STAB1: variants seen among roughly 807,000 people sequenced by gnomAD.
The protein encoded by STAB1 is stabilin-1.
A neutral mutation model predicts 332.4 loss-of-function variants in STAB1; 250 were observed. The observed-to-expected ratio is 0.75, with a 90% CI of 0.68 to 0.84. The LOEUF (loss-of-function observed/expected upper bound fraction) is 0.84. Ranked by LOEUF, STAB1 falls within the 40% of genes least tolerant of loss-of-function variation. The probability of loss-of-function intolerance (pLI) is 0.00; values close to 1 mark genes in which losing one functional copy is unlikely to be tolerated. For missense variants in STAB1, 3,249 were observed against 3,489.7 expected (o/e 0.93, Z 1.74); for synonymous variants, 1,475 against 1,390.4 (o/e 1.06, Z -1.35).
At chr3:52,502,868 C>T in intron 6 of STAB1, 131 bp from the exon 7 acceptor site, 1 of 1,213,870 alleles carries the variant, frequency 8.2e-7, no homozygotes, top group Non-Finnish European at 1.1e-6. Flanking sequence ...CATCTGAGAC[C>T]TCCACTGTCC....
Position 52,505,681 on chromosome 3 carries a change from C to A in STAB1, c.1595C>A (p.Pro532His). The A allele has an allele frequency of 6.2e-7, 1 of 1,613,606 alleles. No homozygotes were observed. The highest frequency in any genetic ancestry group is 8.5e-7 in the Non-Finnish European group (1 of 1,180,034). ...GCACCACCACAGAACTGTGGGCTGC[C>A]CTCCATCCTGGACGGACCTGGGCCC... is the stretch of plus-strand genomic sequence containing the variant. ...FETILENCGLPSILDGPGPFT... is the reference protein window; with the variant it reads ...FETILENCGLHSILDGPGPFT... Residue 532 changes from proline to histidine, a missense_variant, in exon 15 of 69, where the codon CCC becomes CAC. Transcript: ENST00000321725.
intron 28 of STAB1, 72 bp downstream of exon 28, chr3:52,512,715 T>A: frequency 6.2e-7 from 1 of 1,611,826 alleles, no homozygotes; most frequent in East Asian, 2.2e-5. Flanking sequence ...GGGTGCCATA[T>A]AACATCTCCA....
chr3:52,508,893 G>C (rs1709085930), intron 21 of STAB1, among the ~76,000 whole-genome samples: 1 of 152,048 alleles, frequency 6.6e-6, no homozygotes. Flanking sequence ...TTTCCAAAAA[G>C]GCTACTTGGT....
chr3:52,506,643 G>A (rs1223358068), intron 17 of STAB1, 49 bp from the exon 18 acceptor site: 1 of 1,556,478 alleles, frequency 6.4e-7, no homozygotes, highest in Non-Finnish European at 8.7e-7. Context: ...AGCCCCACCG[G>A]GCCAAGGCCA....
rs1160932485 is a variant in STAB1 at position 52,515,442 on chromosome 3, G to A, written c.3884G>A (p.Cys1295Tyr). 1.2e-6 allele frequency: 2 copies of A among 1,613,358 alleles called. No individual in the cohort carries two copies. The highest frequency in any genetic ancestry group is 1.7e-6 in the Non-Finnish European group (2 of 1,180,022). The change falls in exon 37 of 69, where the codon TGT becomes TAT. Residue 1295 changes from cysteine to tyrosine, a missense_variant. Physicochemically the swap from Cys to Tyr is radical, Grantham distance 194 (BLOSUM62 -2). Transcript: ENST00000321725. ...FQLQDTPRKS[C>Y]VYRSGFSFSR... ...TTCCAGGACACACCCAGGAAGAGCT[G>A]TGTCTACCGATCTGGCTTCTCCTTC...
chr3:52,502,077 A>T lies in STAB1; in HGVS notation c.403A>T (p.Thr135Ser). The stretch of plus-strand genomic sequence containing the variant: ...CTTGGATGGCATGGACAGGAATGGG[A>T]CCTGTGTGTGCCAGGTAAGGGCTGG... Reference protein sequence around the residue: ...TCLDGMDRNGTCVCQENFRGS... With the variant: ...TCLDGMDRNGSCVCQENFRGS... The change falls in exon 4 of 69, where the codon ACC becomes TCC. Residue 135 changes from threonine (T) to serine (S), a missense_variant. Transcript: ENST00000321725. 4.3e-6 allele frequency: 7 copies of T among 1,613,502 alleles called. No individual in the cohort carries two copies. The highest frequency in any genetic ancestry group is 5.9e-6 in the Non-Finnish European group (7 of 1,179,952).
Position 52,503,390 on chromosome 3 carries a change from C to G in STAB1, c.741C>G (p.Cys247Trp), listed in dbSNP as rs781136043. ...CACCCTGCTCACTGCTGGCCCAGTG[C>G]TCGGTGAGCCCCAAGGGGCAGGCTC... Reference protein sequence around the residue: ...WPSPCSLLAQCSVSPKGQAQC... With the variant: ...WPSPCSLLAQWSVSPKGQAQC... Residue 247 changes from cysteine to tryptophan, a missense_variant, in exon 8 of 69, where the codon TGC (cysteine) becomes TGG (tryptophan). Physicochemically the swap from Cys to Trp is radical, Grantham distance 215. Coordinates refer to ENST00000321725, the MANE Select transcript of STAB1 (RefSeq NM_015136.3). 1 of 1,613,552 alleles carries G rather than the reference C, an allele frequency of 6.2e-7. No homozygotes were observed. Among genetic ancestry groups the G allele is most frequent in the Admixed American group, 1.7e-5 (1 of 60,026 alleles).
In STAB1 at chr3:52,514,827, C is replaced by T. The variant is rs200808103; in HGVS notation, c.3805C>T (p.Arg1269Trp). 6.2e-6 allele frequency: 10 copies of T among 1,612,674 alleles called. No homozygotes were observed. Among genetic ancestry groups the T allele is most frequent in the African/African-American group, 1.3e-5 (1 of 74,918 alleles). ...RCLHSHAEAL[R>W]EKCVNCTRRF... ...CCTGCATAGCCACGCTGAGGCCCTG[C>T]GGGTGAGAGGCTGGGGCCACAGGAA... Residue 1269 changes from arginine to tryptophan, a missense_variant and splice_region_variant, in exon 35 of 69, where the codon CGG (arginine) becomes TGG (tryptophan). Coordinates refer to ENST00000321725, the MANE Select transcript of STAB1 (RefSeq NM_015136.3).
In STAB1 at chr3:52,512,861, G is replaced by A; in HGVS notation, c.3061G>A (p.Val1021Ile). 6 of 1,611,092 alleles carry A rather than the reference G, an allele frequency of 3.7e-6. No individual in the cohort carries two copies. Among genetic ancestry groups the A allele is most frequent in the Non-Finnish European group, 5.1e-6 (6 of 1,179,912 alleles). Residue 1021 changes from valine to isoleucine, a missense_variant, in exon 29 of 69, where the codon GTC becomes ATC. Transcript: ENST00000321725. Reference protein sequence around the residue: ...AGITLPADRRVTALVPSEAAV... With the variant: ...AGITLPADRRITALVPSEAAV... ...CATCACGCTTCCTGCCGACCGCCGA[G>A]TCACAGCCCTGGTGCCCTCCGAGGC... is the stretch of plus-strand genomic sequence containing the variant.
intron 44 of STAB1, 34 bp from the exon 45 acceptor site, chr3:52,517,846 GC>G: frequency 6.2e-7 from 1 of 1,611,600 alleles, no homozygotes; most frequent in African/African-American, 1.3e-5. Context: ...AGTAGTGAAA[GC>G]CACTGATACC....
Position 52,507,952 on chromosome 3 carries a change from GTC to G in STAB1, c.2076_2077del (p.Tyr693HisfsTer3), listed in dbSNP as rs1708998971. The G allele has an allele frequency of 6.2e-7, 1 of 1,613,660 alleles. No individual in the cohort carries two copies. The highest frequency in any genetic ancestry group is 1.3e-5 in the African/African-American group (1 of 75,058). On this transcript the variant is annotated frameshift_variant, in exon 20 of 69. Transcript: ENST00000321725. LOFTEE classifies it high-confidence loss of function. ...CTAGGACATCTTCCCCAAGGAGTGTGTCTACATCCATGACCCAACGGGGCTCA... is the reference window on the plus strand; with the variant it reads ...CTAGGACATCTTCCCCAAGGAGTGTGTACATCCATGACCCAACGGGGCTCA... ...VKLDIFPKEC[V>X]YIHDPTGLNV...
intron 2 of STAB1, 22 bp from the exon 3 acceptor site, chr3:52,501,616 C>A: frequency 6.5e-7 from 1 of 1,545,998 alleles, no homozygotes; most frequent in Non-Finnish European, 8.7e-7. Context: ...TTTCCATCAC[C>A]CTGCCCACCC....
chr3:52,500,619 T>A (rs1254979586), intron 1 of STAB1, among the ~76,000 whole-genome samples: 1 of 152,250 alleles, frequency 6.6e-6, no homozygotes, highest in Non-Finnish European at 1.5e-5. Flanking sequence ...GCCGGCATCG[T>A]GCCTGTGCCC....
rs148690473 is a variant in STAB1 at position 52,519,317 on chromosome 3, C to T, written c.5088C>T (p.Ala1696=). 5 of 1,613,014 alleles carry T rather than the reference C, an allele frequency of 3.1e-6. No homozygotes were observed. Among genetic ancestry groups the T allele is most frequent in the South Asian group, 1.1e-5 (1 of 91,092 alleles). ...FARVVSSDHE[A]VNGILHFIDR... ...GCGTGGTGAGCAGCGACCATGAGGCCGTGAACGGCATCCTGCACTTCATTG... is the reference window on the plus strand; with the variant it reads ...GCGTGGTGAGCAGCGACCATGAGGCTGTGAACGGCATCCTGCACTTCATTG... The change falls in exon 49 of 69, where the codon GCC becomes GCT. Residue 1696 remains alanine (A), a synonymous_variant. Transcript: ENST00000321725.
intron 1 of STAB1, among the ~76,000 whole-genome samples, chr3:52,497,840 A>C (rs2153232440): frequency 6.6e-6 from 1 of 152,288 alleles, no homozygotes; most frequent in South Asian, 2.1e-4. Context: ...AGGGGAAAGG[A>C]TATCCCGGGT....
At position 52,516,117 on chromosome 3, in the gene STAB1, A is replaced by C; in HGVS notation, c.4023A>C (p.Ser1341=). 1 of 1,611,656 alleles carries C rather than the reference A, an allele frequency of 6.2e-7. No homozygotes were observed. The change falls in exon 38 of 69, where the codon TCA becomes TCC. Residue 1341 remains serine, a synonymous_variant. Transcript: ENST00000321725. ...CAGGGGGTCTAGGGGGGGTGTGCTC[A>C]GGCCATGGGCAGTGCCAGGACAGGT... ...PCPGGLGGVC[S]GHGQCQDRFL... is the part of the protein sequence containing the mutation.
At chr3:52,512,742 G>A (rs1426745507) in intron 28 of STAB1, 86 bp from the exon 29 acceptor site, 4 of 1,610,376 alleles carry the variant, frequency 2.5e-6, no homozygotes, top group African/African-American at 2.7e-5. Flanking sequence ...GGAGGTTGGG[G>A]GCAGGGCTGG....
In STAB1 at chr3:52,517,880, G is replaced by A; in HGVS notation, c.4639-1G>A. 6.2e-7 allele frequency: 1 copy of A among 1,612,278 alleles called. No homozygotes were observed. Among genetic ancestry groups the A allele is most frequent in the Non-Finnish European group, 8.5e-7 (1 of 1,179,762 alleles). On this transcript the variant is annotated splice_acceptor_variant, in intron 44 of 68. Coordinates refer to ENST00000321725, the MANE Select transcript of STAB1 (RefSeq NM_015136.3). LOFTEE classifies it high-confidence loss of function. ...ACCTTCCTCTCCTGTCCCTGACTCAGAACAATGGAGGATGCAGCCCATATG... is the reference window on the plus strand; with the variant it reads ...ACCTTCCTCTCCTGTCCCTGACTCAAAACAATGGAGGATGCAGCCCATATG...
chr3:52,517,879 A>T lies in STAB1; in HGVS notation c.4639-2A>T. 1 of 1,612,252 alleles carries T rather than the reference A, an allele frequency of 6.2e-7. No homozygotes were observed. The highest frequency in any genetic ancestry group is 1.7e-4 in the Middle Eastern group (1 of 6,058). On this transcript the variant is annotated splice_acceptor_variant, in intron 44 of 68. Coordinates refer to ENST00000321725, the MANE Select transcript of STAB1 (RefSeq NM_015136.3). LOFTEE classifies it high-confidence loss of function. ...TACCTTCCTCTCCTGTCCCTGACTC[A>T]GAACAATGGAGGATGCAGCCCATAT...
Sources: gnomAD v4.1 joint callset for allele counts (sites outside exome capture counted in the v4.1 genomes callset) on GRCh38, gnomAD v4.1.1 for gene constraint, MANE v1.5 for transcripts, NCBI Gene and HGNC (gene_info 2026-07-23, HGNC 2026-07-21) for gene names.